Variants in ADGRB1 observed in about 807,000 individuals in gnomAD.
ADGRB1 encodes the protein brain-specific angiogenesis inhibitor 1.
ADGRB1 carries 36 observed loss-of-function variants against 175.7 expected under a neutral mutation model. The ratio of observed to expected loss-of-function variants is 0.20; its 90% CI spans 0.16 to 0.27. The LOEUF is 0.27. ADGRB1 is among the 10% of genes least tolerant of loss of function. The probability of loss-of-function intolerance (pLI) is 1.00; values close to 1 mark genes in which losing one functional copy is unlikely to be tolerated. For synonymous variants in ADGRB1, 1,054 were observed against 979.4 expected, an observed-to-expected ratio of 1.08 and a Z score of -1.42; for missense variants, 1,731 against 2,255.3, an observed-to-expected ratio of 0.77 and a Z score of 4.71.
chr8:142,513,774 G>A (rs536567985), intron 18 of ADGRB1, among the ~76,000 whole-genome samples: 28 of 152,252 alleles, frequency 1.8e-4, no homozygotes, highest in African/African-American at 6.3e-4. Flanking sequence ...CGAGCATTGT[G>A]GGGTGAGTAG....
chr8:142,456,898 TA>T (rs201931738), intron 1 of ADGRB1, among the ~76,000 whole-genome samples: 2,136 of 152,350 alleles, frequency 0.014, 29 homozygotes, highest in Non-Finnish European at 0.022. Context: ...ATACTGTTGC[TA>T]GGGGCTCACC....
At chr8:142,512,450 A>G (rs73714310) in intron 18 of ADGRB1, among the ~76,000 whole-genome samples, 3,276 of 152,316 alleles carry the variant, frequency 0.022, 126 homozygotes, top group African/African-American at 0.075. Context: ...CCCAGCCTCC[A>G]GTCTCCGGGT....
chr8:142,526,457 G>A (rs375192721), intron 23 of ADGRB1, 85 bp from the exon 24 acceptor site: 9 of 1,281,002 alleles, frequency 7.0e-6, no homozygotes, highest in Middle Eastern at 2.3e-4. Flanking sequence ...CGTGGTTGGC[G>A]TAGCCAGCAT....
In ADGRB1 at chr8:142,542,006, C is replaced by T. The variant is rs1185185690; in HGVS notation, c.3772C>T (p.Leu1258=). 6 of 1,598,706 alleles carry T rather than the reference C, an allele frequency of 3.8e-6. No individual in the cohort carries two copies. Among genetic ancestry groups the T allele is most frequent in the Non-Finnish European group, 5.1e-6 (6 of 1,174,256 alleles). ...CACGGGCACACTGAAGCGGCCGTCTCTGCCCGAGGAGGAGAAGCTGAAGCT... is the reference window on the plus strand; with the variant it reads ...CACGGGCACACTGAAGCGGCCGTCTTTGCCCGAGGAGGAGAAGCTGAAGCT... The part of the protein sequence containing the change: ...TITGTLKRPS[L]PEEEKLKLAH... The change falls in exon 28 of 31, where the codon CTG becomes TTG. Residue 1258 remains leucine (L), a synonymous_variant. Coordinates refer to ENST00000517894, the MANE Select transcript of ADGRB1 (RefSeq NM_001702.3). This position sits in a 1 kb window ranked among gnomAD's most constrained non-coding sequence, Gnocchi z 6.3.
chr8:142,460,445 T>A (rs1839914063), intron 1 of ADGRB1, among the ~76,000 whole-genome samples: 1 of 152,190 alleles, frequency 6.6e-6, no homozygotes, highest in Admixed American at 6.5e-5. Flanking sequence ...CAATATGGCC[T>A]CTCCCAAGGC....
At chr8:142,505,009 C>T (rs190107209) in intron 17 of ADGRB1, among the ~76,000 whole-genome samples, 6 of 129,612 alleles carry the variant, frequency 4.6e-5, no homozygotes, top group Admixed American at 2.8e-4. Context: ...ATAGCACCTG[C>T]TTCGTGGGCC....
chr8:142,544,110 A>C (rs1845451035), intron 30 of ADGRB1, 110 bp from the exon 31 acceptor site: 5 of 1,175,072 alleles, frequency 4.3e-6, no homozygotes, highest in Admixed American at 2.5e-5. Context: ...CCTGTCCCCC[A>C]CCTCCCGTCC....
At position 142,479,367 on chromosome 8, in the gene ADGRB1, G is replaced by T; in HGVS notation, c.1606G>T (p.Val536Phe). 1 of 1,534,740 alleles carries T rather than the reference G, an allele frequency of 6.5e-7. No homozygotes were observed. Among genetic ancestry groups the T allele is most frequent in the Non-Finnish European group, 8.7e-7 (1 of 1,144,220 alleles). The change falls in exon 8 of 31, where the codon GTC (valine) becomes TTC (phenylalanine). Residue 536 changes from valine to phenylalanine, a missense_variant. By Grantham distance (50) the Val-to-Phe change is conservative. This residue lies in a region of ADGRB1 where 388 missense variants were observed against 630.9 expected (regional missense o/e 0.61). Transcript: ENST00000517894. ...QAWASWGSCS[V>F]TCGAGSQRRE... The stretch of plus-strand genomic sequence containing the variant: ...CTGGGCGTCATGGGGCAGTTGCAGC[G>T]TCACGTGTGGGGCTGGCAGCCAGCG...
At chr8:142,521,109 G>A (rs1843816690) in intron 20 of ADGRB1, among the ~76,000 whole-genome samples, 184 bp downstream of exon 20, 2 of 152,138 alleles carry the variant, frequency 1.3e-5, no homozygotes. Context: ...AGCCTGTCAG[G>A]GGCTGGTCAG....
At chr8:142,521,581 G>A (rs1245332680) in intron 20 of ADGRB1, among the ~76,000 whole-genome samples, 2 of 152,262 alleles carry the variant, frequency 1.3e-5, no homozygotes, top group African/African-American at 4.8e-5. Context: ...GGGCCGCTGT[G>A]TGGGTGAGGT....
chr8:142,490,755 T>C lies in ADGRB1; in HGVS notation c.2632-17T>C. 2 of 1,569,508 alleles carry C rather than the reference T, an allele frequency of 1.3e-6. No individual in the cohort carries two copies. Among genetic ancestry groups the C allele is most frequent in the Admixed American group, 1.9e-5 (1 of 53,716 alleles). On this transcript the variant is annotated splice_polypyrimidine_tract_variant and intron_variant, in intron 16 of 30. Coordinates refer to ENST00000517894, the MANE Select transcript of ADGRB1 (RefSeq NM_001702.3). ...CCTGGCTGCCAGGGGCCCTGACTCC[T>C]CTCCCCTCTCTCCCAGGGCACCACC...
chr8:142,541,903 C>A lies in ADGRB1; in HGVS notation c.3707-38C>A, dbSNP rs959586769. ...GACTGTCCTACGCCATCCTCACCCCCACACCTGTCCCCGCTGTCTCCCCCG... is the reference window on the plus strand; with the variant it reads ...GACTGTCCTACGCCATCCTCACCCCAACACCTGTCCCCGCTGTCTCCCCCG... On this transcript the variant is annotated intron_variant, in intron 27 of 30. Transcript: ENST00000517894. The A allele has an allele frequency of 6.6e-6, 10 of 1,510,324 alleles. No individual in the cohort carries two copies. In the Admixed American group the frequency reaches 1.8e-4, roughly 27 times the overall value. The allele number at this position is 1,510,324 out of a possible 1,614,324, so 93.6% of individuals were successfully genotyped here. A position where few individuals can be genotyped will look rare whatever the true frequency, so the allele number is the denominator to read the frequency against.
At chr8:142,522,251 C>A (rs765469460) in intron 21 of ADGRB1, 136 bp downstream of exon 21, 1 of 1,232,296 alleles carries the variant, frequency 8.1e-7, no homozygotes, top group African/African-American at 1.5e-5. Flanking sequence ...GGGCTTCCCC[C>A]TCTGGGCCCT....
In ADGRB1 at chr8:142,464,088, CTCCCTGCCCCCA is replaced by C; in HGVS notation, c.-110_-99del. 1.2e-6 allele frequency: 1 copy of C among 844,540 alleles called. No individual in the cohort carries two copies. Among genetic ancestry groups the C allele is most frequent in the Non-Finnish European group, 1.5e-6 (1 of 652,552 alleles). The allele number at this position is 844,540 out of a possible 1,614,324, so 52.3% of individuals were successfully genotyped here. Reference sequence around the variant, plus strand: ...CTCTCCCATCCCACCCTTGCCCCGCCTCCCTGCCCCCACCGGGCCGGCCCTGCCCGCCGCCGG... The same window carrying C: ...CTCTCCCATCCCACCCTTGCCCCGCCCCGGGCCGGCCCTGCCCGCCGCCGG... On this transcript the variant is annotated 5_prime_UTR_variant, in exon 2 of 31. Transcript: ENST00000517894.
At chr8:142,463,786 A>G (rs1840092213) in intron 1 of ADGRB1, among the ~76,000 whole-genome samples, 194 bp from the exon 2 acceptor site, 2 of 152,210 alleles carry the variant, frequency 1.3e-5, no homozygotes, top group African/African-American at 4.8e-5. Context: ...AGGTGGTCAC[A>G]TTGGTGAGTG....
chr8:142,523,029 C>T (rs1843940848), intron 22 of ADGRB1, among the ~76,000 whole-genome samples: 1 of 152,224 alleles, frequency 6.6e-6, no homozygotes, highest in African/African-American at 2.4e-5. Context: ...GGTGGGGAGC[C>T]CCCCTCTGTA....
intron 17 of ADGRB1, among the ~76,000 whole-genome samples, chr8:142,507,849 G>T (rs10107107): frequency 0.045 from 6,863 of 152,288 alleles, 187 homozygotes; most frequent in African/African-American, 0.068. Flanking sequence ...GGGAAAAGCG[G>T]TCTGCAGGAC....
intron 2 of ADGRB1, among the ~76,000 whole-genome samples, chr8:142,470,939 C>T (rs1360131032): frequency 1.3e-5 from 2 of 152,110 alleles, no homozygotes; most frequent in Admixed American, 1.3e-4. Context: ...CATCTGGAGG[C>T]CTGTCTGGGG....
chr8:142,526,542 G>A lies in ADGRB1; in HGVS notation c.3313G>A (p.Val1105Met). 1.3e-6 allele frequency: 2 copies of A among 1,592,690 alleles called. No individual in the cohort carries two copies. The highest frequency in any genetic ancestry group is 2.3e-5 in the East Asian group (1 of 43,900). ...ACCCCCACCACTCTCTGCCCGGCAG[G>A]TGAACATGGTCATTGGGATCCTGGT... is the stretch of plus-strand genomic sequence containing the variant. ...FVGPAAAVVL[V>M]NMVIGILVFN... The change falls in exon 24 of 31, where the codon GTG becomes ATG. Residue 1105 changes from valine to methionine, a missense_variant and splice_region_variant. Val to Met is a conservative substitution (Grantham distance 21, BLOSUM62 1). Around this residue, in one of 8 missense-constraint regions of ADGRB1, gnomAD observed 301 missense variants for 488.4 expected, o/e 0.62. Transcript: ENST00000517894.
Sources: gnomAD v4.1 joint callset for allele counts (sites outside exome capture counted in the v4.1 genomes callset) on GRCh38, gnomAD v4.1.1 for gene constraint, gnomAD v4.1.1 regional missense constraint, Gnocchi (gnomAD v3.1) non-coding constraint, MANE v1.5 for transcripts, NCBI Gene and HGNC (gene_info 2026-07-23, HGNC 2026-07-21) for gene names.